GFRA1: variants seen among roughly 807,000 people sequenced by gnomAD.
The protein encoded by GFRA1 is GDNF family receptor alpha 1, also known as GDNF family receptor alpha-1.
Under a neutral mutation model 51.6 loss-of-function variants are expected in GFRA1, and 16 were observed. That is an observed-to-expected ratio of 0.31 (90% CI 0.21 to 0.47). The LOEUF (loss-of-function observed/expected upper bound fraction) is 0.47. GFRA1 is among the 20% of genes least tolerant of loss of function. The pLI, the probability that GFRA1 is intolerant of heterozygous loss-of-function variation, is 1.00. For synonymous variants in GFRA1, 270 were observed against 241.3 expected, an observed-to-expected ratio of 1.12 and a Z score of -1.10; for missense variants, 530 against 594.3, an observed-to-expected ratio of 0.89 and a Z score of 1.13.
intron 4 of GFRA1, among the ~76,000 whole-genome samples, chr10:116,249,774 C>T (rs1968167979): frequency 6.6e-6 from 1 of 152,164 alleles, no homozygotes; most frequent in Non-Finnish European, 1.5e-5. Context: ...CTTGGGAAAA[C>T]TACCCAAGTG....
chr10:116,207,293 C>T (rs10749203), intron 5 of GFRA1, among the ~76,000 whole-genome samples: 55,274 of 152,188 alleles, frequency 0.36, 10,937 homozygotes, highest in African/African-American at 0.52. Flanking sequence ...CTGAGATCAG[C>T]GGCCATTCTG....
At chr10:116,114,047 T>C (rs1218790981) in intron 6 of GFRA1, among the ~76,000 whole-genome samples, 1 of 152,148 alleles carries the variant, frequency 6.6e-6, no homozygotes, top group East Asian at 1.9e-4. Context: ...AAGGGGAAGA[T>C]GGGGTGATTC....
In GFRA1 at chr10:116,148,082, G is replaced by GTGTGTGCATGCATGTGTGCATGCA. The variant is rs55945283; in HGVS notation, c.434-22526_434-22525insTGCATGCACACATGCATGCACACA. 5.2e-4 allele frequency among the ~76,000 whole-genome samples: 67 copies of GTGTGTGCATGCATGTGTGCATGCA among 129,494 alleles called. 1 individual carries two copies. The highest frequency in any genetic ancestry group is 1.6e-3 in the South Asian group (6 of 3,718). 85.0% of individuals were successfully genotyped at this position (129,494 alleles called of 152,430 possible). The stretch of plus-strand genomic sequence containing the variant: ...TGTGTGCATGCGTGTGTGCATGTGT[G>GTGTGTGCATGCATGTGTGCATGCA]TGTGTGCATGCGTGTGTGCATGCAT... On this transcript the variant is annotated intron_variant, in intron 5 of 10. Transcript: ENST00000355422.
chr10:116,102,707 T>C lies in GFRA1; in HGVS notation c.771-5943A>G, dbSNP rs374578697. Reference sequence around the variant, plus strand: ...ATCTCATGAGACTTATTCACTACCATGAGAAGAGTACGGGGGAAACTGCCC... The same window carrying C: ...ATCTCATGAGACTTATTCACTACCACGAGAAGAGTACGGGGGAAACTGCCC... On this transcript the variant is annotated intron_variant, in intron 6 of 10. Transcript: ENST00000355422. Among the ~76,000 whole-genome samples, 369 of 152,244 alleles carry C rather than the reference T, an allele frequency of 2.4e-3. 1 individual carries two copies. The highest frequency in any genetic ancestry group is 8.4e-3 in the African/African-American group (350 of 41,546).
At chr10:116,130,222 AC>A (rs1373977823) in intron 5 of GFRA1, among the ~76,000 whole-genome samples, 7 of 151,972 alleles carry the variant, frequency 4.6e-5, no homozygotes, top group Non-Finnish European at 7.4e-5. Context: ...AATACTCAAT[AC>A]TTTATGATTA....
At chr10:116,264,642 G>C (rs1969526716) in intron 4 of GFRA1, among the ~76,000 whole-genome samples, 1 of 152,232 alleles carries the variant, frequency 6.6e-6, no homozygotes, top group Non-Finnish European at 1.5e-5. Flanking sequence ...TTAAAGAACT[G>C]ATAGAAGATT....
At chr10:116,110,621 TGCAG>T (rs1957170616) in intron 6 of GFRA1, among the ~76,000 whole-genome samples, 1 of 152,302 alleles carries the variant, frequency 6.6e-6, no homozygotes, top group East Asian at 1.9e-4. Flanking sequence ...TACCTCAGCA[TGCAG>T]GAACCCAGGA....
intron 5 of GFRA1, among the ~76,000 whole-genome samples, chr10:116,126,814 G>T (rs1453912849): frequency 6.6e-6 from 1 of 152,216 alleles, no homozygotes; most frequent in African/African-American, 2.4e-5. Flanking sequence ...GGCTAAAGAA[G>T]TGACAAGAGA....
chr10:116,251,854 C>A (rs1319824589), intron 4 of GFRA1, among the ~76,000 whole-genome samples: 1 of 150,876 alleles, frequency 6.6e-6, no homozygotes, highest in African/African-American at 2.4e-5. Flanking sequence ...AGTCATGAGG[C>A]TGAGTAAGGG....
At chr10:116,100,462 G>T (rs1440421351) in intron 6 of GFRA1, among the ~76,000 whole-genome samples, 1 of 151,970 alleles carries the variant, frequency 6.6e-6, no homozygotes, top group Non-Finnish European at 1.5e-5. Context: ...CACTTAACAG[G>T]TGCATCGCCC....
chr10:116,081,016 A>G (rs1017674454), intron 9 of GFRA1, among the ~76,000 whole-genome samples: 1 of 152,150 alleles, frequency 6.6e-6, no homozygotes, highest in Non-Finnish European at 1.5e-5. Flanking sequence ...ACCCCCCCAG[A>G]CCTTGCCCTA....
intron 5 of GFRA1, among the ~76,000 whole-genome samples, chr10:116,125,966 C>G (rs1299854845): frequency 1.3e-5 from 2 of 152,186 alleles, no homozygotes; most frequent in African/African-American, 4.8e-5. Flanking sequence ...GCCATACAAT[C>G]CTCCAAGAAT....
At chr10:116,128,914 C>T (rs3824840) in intron 5 of GFRA1, among the ~76,000 whole-genome samples, 34,722 of 151,874 alleles carry the variant, frequency 0.23, 3,998 homozygotes, top group Middle Eastern at 0.25. Context: ...TATGTCTAAA[C>T]CAATTGCTCA....
At chr10:116,259,469 A>T (rs1447063782) in intron 4 of GFRA1, among the ~76,000 whole-genome samples, 7 of 152,212 alleles carry the variant, frequency 4.6e-5, no homozygotes, top group Admixed American at 3.3e-4. Flanking sequence ...TTCTTTGGTT[A>T]ATATTTCTGC....
intron 5 of GFRA1, among the ~76,000 whole-genome samples, chr10:116,198,641 T>C (rs976921207): frequency 2.0e-5 from 3 of 152,182 alleles, no homozygotes; most frequent in Non-Finnish European, 4.4e-5. Context: ...TTTCCTTCTG[T>C]TGCCAAATGT....
chr10:116,208,623 A>G (rs1964960931), intron 5 of GFRA1, among the ~76,000 whole-genome samples: 1 of 152,164 alleles, frequency 6.6e-6, no homozygotes, highest in Non-Finnish European at 1.5e-5. Flanking sequence ...AGAATTAACT[A>G]AATGGTGAAA....
chr10:116,183,236 CTCAG>C (rs1426437923), intron 5 of GFRA1, among the ~76,000 whole-genome samples: 1 of 152,168 alleles, frequency 6.6e-6, no homozygotes, highest in African/African-American at 2.4e-5. Flanking sequence ...GTTGATTCTC[CTCAG>C]TCAGACAAGA....
At chr10:116,172,283 G>A (rs535907499) in intron 5 of GFRA1, among the ~76,000 whole-genome samples, 24 of 152,166 alleles carry the variant, frequency 1.6e-4, no homozygotes, top group African/African-American at 5.8e-4. Flanking sequence ...GGGAGCTGAC[G>A]TATACCCACC....
chr10:116,221,113 T>G (rs1298014546), intron 4 of GFRA1, among the ~76,000 whole-genome samples: 1 of 152,192 alleles, frequency 6.6e-6, no homozygotes, highest in Non-Finnish European at 1.5e-5. Flanking sequence ...CATCAGGCAC[T>G]ATTTTAAATA....
Sources: allele counts gnomAD v4.1 joint callset (sites outside exome capture counted in the v4.1 genomes callset), GRCh38; gene constraint gnomAD v4.1.1; transcripts MANE v1.5; gene names NCBI Gene and HGNC (gene_info 2026-07-23, HGNC 2026-07-21).